PHLDB3: variants seen among roughly 807,000 people sequenced by gnomAD.
PHLDB3 encodes pleckstrin homology-like domain family B member 3.
Under a neutral mutation model 85.7 loss-of-function variants are expected in PHLDB3, and 86 were observed. The observed-to-expected ratio is 1.00, with a 90% CI of 0.84 to 1.20. PHLDB3 has a LOEUF of 1.20. Among genes scored for constraint, PHLDB3 ranks in the 50% most tolerant of loss-of-function variants. The probability of loss-of-function intolerance (pLI) is 0.00; values close to 1 mark genes in which losing one functional copy is unlikely to be tolerated. For synonymous variants in PHLDB3, 376 were observed against 349.8 expected (o/e 1.07, Z -0.83); for missense variants, 995 against 873.0 (o/e 1.14, Z -1.76).
In PHLDB3 at chr19:43,486,268, T is replaced by C. The variant is rs1971153450; in HGVS notation, c.1483A>G (p.Thr495Ala). ...GSSGPAVPAITAPPTPPHPPG... is the reference protein window; with the variant it reads ...GSSGPAVPAIAAPPTPPHPPG... The stretch of plus-strand genomic sequence containing the variant: ...GTGAGGGCGGGGGTGGGACTGACCG[T>C]GATGGCAGGAACAGCAGGGCCTGAG... The change falls in exon 13 of 16, where the codon ACG becomes GCG. Residue 495 changes from threonine (T) to alanine (A), a missense_variant and splice_region_variant. Coordinates refer to ENST00000292140, the MANE Select transcript of PHLDB3 (RefSeq NM_198850.4). 1.9e-6 allele frequency: 3 copies of C among 1,610,212 alleles called. No homozygotes were observed. Among genetic ancestry groups the C allele is most frequent in the Non-Finnish European group, 2.5e-6 (3 of 1,178,774 alleles).
At chr19:43,479,306 G>T (rs1368571552) in intron 14 of PHLDB3, 71 bp downstream of exon 14, 2 of 1,448,958 alleles carry the variant, frequency 1.4e-6, no homozygotes, top group African/African-American at 1.4e-5. Context: ...GACTTCTGGT[G>T]CCTGTAGAGG....
intron 15 of PHLDB3, among the ~76,000 whole-genome samples, chr19:43,476,094 C>G (rs2042449045): frequency 6.6e-6 from 1 of 152,136 alleles, no homozygotes; most frequent in Admixed American, 6.5e-5. Flanking sequence ...TGTGCCAGGC[C>G]GAGAAATTTA....
chr19:43,502,200 C>T lies in PHLDB3; in HGVS notation c.297G>A (p.Arg99=). Reference sequence around the variant, plus strand: ...CCTCCAGCTGCTGTCCTTGCAGGCGCCGCGCCGCCCCTCGCACCCCTTCCC... The same window carrying T: ...CCTCCAGCTGCTGTCCTTGCAGGCGTCGCGCCGCCCCTCGCACCCCTTCCC... The part of the protein sequence containing the change: ...SSREGVRGAA[R]RLQGQQLEAL... The change falls in exon 3 of 16, where the codon CGG becomes CGA. Residue 99 remains arginine (R), a synonymous_variant. Transcript: ENST00000292140. 6.4e-7 allele frequency: 1 copy of T among 1,569,474 alleles called. No homozygotes were observed. The highest frequency in any genetic ancestry group is 8.6e-7 in the Non-Finnish European group (1 of 1,157,740).
intron 4 of PHLDB3, among the ~76,000 whole-genome samples, chr19:43,498,417 AAAAG>A (rs918698542): frequency 2.6e-5 from 4 of 151,390 alleles, no homozygotes; most frequent in Non-Finnish European, 5.9e-5. Context: ...AGAGAGAAAG[AAAAG>A]AGGGAGGGAG....
intron 8 of PHLDB3, 84 bp downstream of exon 8, chr19:43,495,172 C>A (rs1217013414): frequency 1.4e-6 from 2 of 1,383,120 alleles, no homozygotes; most frequent in African/African-American, 2.9e-5. Context: ...GGCCTGGACT[C>A]CTGCGTCTGA....
Position 43,475,414 on chromosome 19 carries a change from G to A in PHLDB3, c.1919C>T (p.Pro640Leu). The A allele has an allele frequency of 6.2e-7, 1 of 1,613,902 alleles. No homozygotes were observed. Among genetic ancestry groups the A allele is most frequent in the Non-Finnish European group, 8.5e-7 (1 of 1,179,802 alleles). Residue 640 changes from proline to leucine, a missense_variant, in exon 16 of 16, where the codon CCC becomes CTC. Coordinates refer to ENST00000292140, the MANE Select transcript of PHLDB3 (RefSeq NM_198850.4). ...IVTAADENHA[P>L] ...CCCCCAAGAGGGCGGGGCCACTCAG[G>A]GGGCGTGGTTTTCGTCAGCGGCGGT...
In PHLDB3 at chr19:43,475,479, C is replaced by A; in HGVS notation, c.1854G>T (p.Pro618=). The A allele has an allele frequency of 6.2e-7, 1 of 1,613,936 alleles. No individual in the cohort carries two copies. Among genetic ancestry groups the A allele is most frequent in the Non-Finnish European group, 8.5e-7 (1 of 1,179,874 alleles). ...TCCAAATGCGCATGGCTTCGGGGCT[C>A]GGAGCCACCATGTAGAAAAGGCGTT... The part of the protein sequence containing the change: ...TYERLFYMVA[P]SPEAMRIWMD... The change falls in exon 16 of 16, where the codon CCG becomes CCT. Residue 618 remains proline, a synonymous_variant. Coordinates refer to ENST00000292140, the MANE Select transcript of PHLDB3 (RefSeq NM_198850.4).
At chr19:43,501,483 C>T (rs1971597391) in intron 4 of PHLDB3, 1 of 660,742 alleles carries the variant, frequency 1.5e-6, no homozygotes, top group Non-Finnish European at 2.5e-6. Context: ...CTGCTTCCGG[C>T]CAGTTTGGAA....
chr19:43,504,265 C>A, intron 1 of PHLDB3, 133 bp from the exon 2 acceptor site: 1 of 814,718 alleles, frequency 1.2e-6, no homozygotes. Flanking sequence ...TGGAACTGAG[C>A]GTTACGGAGG....
chr19:43,490,978 T>C (rs1444202645), intron 9 of PHLDB3, among the ~76,000 whole-genome samples: 1 of 152,196 alleles, frequency 6.6e-6, no homozygotes, highest in African/African-American at 2.4e-5. Context: ...CTGCAATGCA[T>C]GTAGAAGCAT....
intron 7 of PHLDB3, 69 bp from the exon 8 acceptor site, chr19:43,495,408 C>T: frequency 6.3e-7 from 1 of 1,598,708 alleles, no homozygotes; most frequent in Non-Finnish European, 8.5e-7. Context: ...TCCCTAATGT[C>T]AGGAGACATC....
At chr19:43,488,803 AT>A (rs563067337) in intron 9 of PHLDB3, among the ~76,000 whole-genome samples, 350 of 142,032 alleles carry the variant, frequency 2.5e-3, no homozygotes, top group Middle Eastern at 3.8e-3. Flanking sequence ...TCCATAGACC[AT>A]TTTTTTTTTT....
intron 13 of PHLDB3, among the ~76,000 whole-genome samples, chr19:43,484,920 GT>G (rs1396554369): frequency 6.6e-6 from 1 of 151,874 alleles, no homozygotes; most frequent in Non-Finnish European, 1.5e-5. Flanking sequence ...GAGGCCAGGA[GT>G]TTGAGATCAG....
intron 15 of PHLDB3, 31 bp from the exon 16 acceptor site, chr19:43,475,575 GACAAAA>G: frequency 6.2e-7 from 1 of 1,613,012 alleles, no homozygotes; most frequent in African/African-American, 1.3e-5. Flanking sequence ...GGGTAATTCA[GACAAAA>G]GACACCGGCC....
At chr19:43,491,967 T>TTA (rs1971327584) in intron 9 of PHLDB3, among the ~76,000 whole-genome samples, 1 of 146,192 alleles carries the variant, frequency 6.8e-6, no homozygotes, top group Non-Finnish European at 1.5e-5. Context: ...TTGTTTTTTT[T>TTA]TTTTTTGAGA....
In PHLDB3 at chr19:43,475,225, G is replaced by A. The variant is rs181402223; in HGVS notation, c.*185C>T. ...TTAGGGGCCGGCGATCCCGTCGGGG[G>A]CAAGGCACCTGCAACCCAGAACGCA... is the stretch of plus-strand genomic sequence containing the variant. On this transcript the variant is annotated 3_prime_UTR_variant, in exon 16 of 16. Transcript: ENST00000292140. 1.2e-3 allele frequency: 919 copies of A among 774,200 alleles called. No homozygotes were observed. Among genetic ancestry groups the A allele is most frequent in the Non-Finnish European group, 1.7e-3 (859 of 505,030 alleles). 48.0% of individuals were successfully genotyped at this position (774,200 alleles called of 1,614,324 possible). A position where few individuals can be genotyped will look rare whatever the true frequency, so the allele number is the denominator to read the frequency against.
At chr19:43,501,654 G>C in intron 4 of PHLDB3, 80 bp downstream of exon 4, 1 of 1,536,622 alleles carries the variant, frequency 6.5e-7, no homozygotes. Context: ...ACAACCCCGG[G>C]GCGCAGGTGG....
chr19:43,475,312 C>T lies in PHLDB3; in HGVS notation c.*98G>A. The T allele has an allele frequency of 1.4e-6, 2 of 1,469,054 alleles. No homozygotes were observed. The highest frequency in any genetic ancestry group is 1.3e-5 in the South Asian group (1 of 78,202). 91.0% of individuals were successfully genotyped at this position (1,469,054 alleles called of 1,614,324 possible). On this transcript the variant is annotated 3_prime_UTR_variant, in exon 16 of 16. Transcript: ENST00000292140. ...TTCCCGGGAGAGTTCCAAAGCGGTGCGTCCAAGTTTTCCGGCAGTGGGCGG... is the reference window on the plus strand; with the variant it reads ...TTCCCGGGAGAGTTCCAAAGCGGTGTGTCCAAGTTTTCCGGCAGTGGGCGG...
rs139395824 is a variant in PHLDB3, at chr19:43,504,273, A to G, written c.-14-141T>C. 3.9e-4 allele frequency: 301 copies of G among 780,570 alleles called. No individual in the cohort carries two copies. In the African/African-American group the frequency reaches 4.6e-3, roughly 12 times the overall value. The allele number at this position is 780,570 out of a possible 1,614,324, so 48.4% of individuals were successfully genotyped here. ...CAAAGGATGGAACTGAGCGTTACGG[A>G]GGCGTGTCCTGAAGTTTCCAGAGGC... On this transcript the variant is annotated intron_variant, in intron 1 of 15. Coordinates refer to ENST00000292140, the MANE Select transcript of PHLDB3 (RefSeq NM_198850.4).
Sources: allele counts gnomAD v4.1 joint callset (sites outside exome capture counted in the v4.1 genomes callset), GRCh38; gene constraint gnomAD v4.1.1; transcripts MANE v1.5; gene names NCBI Gene and HGNC (gene_info 2026-07-23, HGNC 2026-07-21).